The following RNF141 variants were observed in gnomAD, a reference collection of about 807,000 sequenced individuals.
The protein encoded by RNF141 is ring finger protein 141, also known as C3HC4-like zinc finger protein.
A neutral mutation model predicts 27.4 loss-of-function variants in RNF141; 18 were observed. The observed-to-expected ratio is 0.66, with a 90% CI of 0.45 to 0.97. RNF141 has a LOEUF of 0.97. Ranked by LOEUF, RNF141 falls within the 50% of genes least tolerant of loss-of-function variation. RNF141 has a pLI of 0.00. For synonymous variants in RNF141, 97 were observed against 96.6 expected (o/e 1.00, Z -0.02); for missense variants, 230 against 279.4 (o/e 0.82, Z 1.26).
At position 10,515,033 on chromosome 11, in the gene RNF141, G is replaced by A. The variant is rs1048275217; in HGVS notation, c.576C>T (p.Arg192=). ...SDRHRNCPIC[R]LQMTGANESW... is the part of the protein sequence containing the mutation. ...ATTCATTTGCTCCAGTCATCTGTAG[G>A]CGACAAATAGGGCAATTCCTGTGTC... is the stretch of plus-strand genomic sequence containing the variant. Residue 192 remains arginine (R), a synonymous_variant, in exon 6 of 6, where the codon CGC becomes CGT. Transcript: ENST00000265981. 5 of 1,613,770 alleles carry A rather than the reference G, an allele frequency of 3.1e-6. No homozygotes were observed. The African/African-American group carries it at 6.7e-5, about 22-fold the overall frequency.
chr11:10,511,890 A>G lies in RNF141; in HGVS notation c.*3026T>C, dbSNP rs564207480. The G allele has an allele frequency of 1.3e-5, 2 of 152,814 alleles. No homozygotes were observed. Among genetic ancestry groups the G allele is most frequent in the African/African-American group, 4.8e-5 (2 of 41,588 alleles). The allele number at this position is 152,814 out of a possible 1,614,324, so 9.5% of individuals were successfully genotyped here. A position where few individuals can be genotyped will look rare whatever the true frequency, so the allele number is the denominator to read the frequency against. The stretch of plus-strand genomic sequence containing the variant: ...GAATATAAACATTTAGTATATTAGA[A>G]TGTGAAATTACATAGGAAAATAATC... On this transcript the variant is annotated 3_prime_UTR_variant, in exon 6 of 6. Coordinates refer to ENST00000265981, the MANE Select transcript of RNF141 (RefSeq NM_016422.4).
intron 1 of RNF141, chr11:10,540,910 C>T (rs1434157449): frequency 1.3e-5 from 2 of 152,362 alleles, no homozygotes; most frequent in Non-Finnish European, 2.9e-5. Context: ...GCAACTGGAA[C>T]CCGCCGGGCA....
rs571452434 is a variant in RNF141 at position 10,540,554 on chromosome 11, G to A, written c.-48+568C>T. On this transcript the variant is annotated intron_variant, in intron 1 of 5. Transcript: ENST00000265981. ...TCAAGGTAGCAGCTAGTTTGACAAGGAAAGACCTTTGGGAAGGGTAGCAGC... is the reference window on the plus strand; with the variant it reads ...TCAAGGTAGCAGCTAGTTTGACAAGAAAAGACCTTTGGGAAGGGTAGCAGC... Among the ~76,000 whole-genome samples, 26 of 152,328 alleles carry A rather than the reference G, an allele frequency of 1.7e-4. No individual in the cohort carries two copies. In the East Asian group the frequency reaches 3.3e-3, roughly 19 times the overall value.
chr11:10,536,086 A>G (rs1232738771), intron 1 of RNF141, among the ~76,000 whole-genome samples: 1 of 152,222 alleles, frequency 6.6e-6, no homozygotes, highest in African/African-American at 2.4e-5. Flanking sequence ...TAATTACAAA[A>G]TGAGAAGTGC....
chr11:10,534,053 C>T lies in RNF141; in HGVS notation c.106G>A (p.Glu36Lys). Residue 36 changes from glutamate to lysine, a missense_variant, in exon 2 of 6, where the codon GAA becomes AAA. Transcript: ENST00000265981. ...TCAGCTACTCTCCCAAGAAATTCTT[C>T]ATAAGTTAAGGAGCCACTCTCTCGA... ...LVRESGSLTYEEFLGRVAELN... is the reference protein window; with the variant it reads ...LVRESGSLTYKEFLGRVAELN... 6.2e-7 allele frequency: 1 copy of T among 1,613,534 alleles called. No individual in the cohort carries two copies. The highest frequency in any genetic ancestry group is 8.5e-7 in the Non-Finnish European group (1 of 1,179,652).
At chr11:10,532,524 CACACACACACACA>C (rs1849996256) in intron 2 of RNF141, among the ~76,000 whole-genome samples, 1 of 145,298 alleles carries the variant, frequency 6.9e-6, no homozygotes, top group East Asian at 2.1e-4. Context: ...CACACACACA[CACACACACACACA>C]CCCCACAACT....
At chr11:10,533,313 A>G (rs1395164981) in intron 2 of RNF141, among the ~76,000 whole-genome samples, 1 of 152,182 alleles carries the variant, frequency 6.6e-6, no homozygotes, top group Non-Finnish European at 1.5e-5. Flanking sequence ...ACCAAAATTG[A>G]TAAATAAATT....
rs1849812311 is a variant in RNF141 at position 10,512,862 on chromosome 11, CTT to C, written c.*2052_*2053del. 1 of 152,026 alleles carries C rather than the reference CTT, an allele frequency of 6.6e-6. No individual in the cohort carries two copies. Among genetic ancestry groups the C allele is most frequent in the African/African-American group, 2.4e-5 (1 of 41,406 alleles). 9.4% of individuals were successfully genotyped at this position (152,026 alleles called of 1,614,324 possible). A position where few individuals can be genotyped will look rare whatever the true frequency, so the allele number is the denominator to read the frequency against. On this transcript the variant is annotated 3_prime_UTR_variant, in exon 6 of 6. Transcript: ENST00000265981. ...ATGCATTAATGTTTTTATTCATTGA[CTT>C]AATCACATTTATAGTATATAAAGTT... is the stretch of plus-strand genomic sequence containing the variant.
intron 3 of RNF141, among the ~76,000 whole-genome samples, chr11:10,526,781 CAA>C (rs762457068): frequency 1.5e-4 from 12 of 80,570 alleles, no homozygotes; most frequent in African/African-American, 1.4e-4. Flanking sequence ...GACTACGTCT[CAA>C]AAAAAAAAAA....
intron 5 of RNF141, chr11:10,517,840 A>G (rs1162319880): frequency 6.6e-6 from 1 of 152,210 alleles, no homozygotes; most frequent in African/African-American, 2.4e-5. Context: ...CTGATACATG[A>G]GTTTAATAAG....
At chr11:10,520,617 AAGTAT>A (rs775822927) in intron 4 of RNF141, among the ~76,000 whole-genome samples, 5 of 152,256 alleles carry the variant, frequency 3.3e-5, no homozygotes, top group African/African-American at 4.8e-5. Context: ...AATGATTAAA[AAGTAT>A]AGTATAGTAT....
At chr11:10,526,145 G>C (rs1003203277) in intron 3 of RNF141, among the ~76,000 whole-genome samples, 1 of 152,182 alleles carries the variant, frequency 6.6e-6, no homozygotes, top group Non-Finnish European at 1.5e-5. Flanking sequence ...AAAGATTAGA[G>C]ACATGAAAGA....
intron 3 of RNF141, among the ~76,000 whole-genome samples, chr11:10,527,745 G>A (rs1849950400): frequency 6.6e-6 from 1 of 152,162 alleles, no homozygotes; most frequent in Admixed American, 6.5e-5. Flanking sequence ...ACTGCTTGTT[G>A]TGCTGAGAAT....
At chr11:10,520,014 T>C (rs1405571123) in intron 4 of RNF141, among the ~76,000 whole-genome samples, 1 of 152,114 alleles carries the variant, frequency 6.6e-6, no homozygotes, top group Non-Finnish European at 1.5e-5. Flanking sequence ...TTTAAGAAGG[T>C]TTATGAATTT....
In RNF141 at chr11:10,515,044, G is replaced by C; in HGVS notation, c.565C>G (p.Pro189Ala). ...CCAGTCATCTGTAGGCGACAAATAG[G>C]GCAATTCCTGTGTCGATCACTCCTA... Reference protein sequence around the residue: ...DKWSDRHRNCPICRLQMTGAN... With the variant: ...DKWSDRHRNCAICRLQMTGAN... Residue 189 changes from proline to alanine, a missense_variant, in exon 6 of 6, where the codon CCT becomes GCT. Transcript: ENST00000265981. 6.2e-7 allele frequency: 1 copy of C among 1,613,620 alleles called. No individual in the cohort carries two copies. The highest frequency in any genetic ancestry group is 8.5e-7 in the Non-Finnish European group (1 of 1,179,812).
chr11:10,532,566 T>C (rs191619299), intron 2 of RNF141, among the ~76,000 whole-genome samples: 1 of 152,022 alleles, frequency 6.6e-6, no homozygotes, highest in East Asian at 1.9e-4. Context: ...CTTTTTGTTT[T>C]ATATTGTTTT....
intron 4 of RNF141, among the ~76,000 whole-genome samples, chr11:10,522,744 T>C (rs1275149773): frequency 6.6e-6 from 1 of 152,188 alleles, no homozygotes; most frequent in Non-Finnish European, 1.5e-5. Flanking sequence ...GTAACAATAA[T>C]AATGACAGTT....
rs1271919261 is a variant in RNF141, at chr11:10,514,714, A to C, written c.*202T>G. 2.0e-6 allele frequency: 1 copy of C among 491,072 alleles called. No homozygotes were observed. The highest frequency in any genetic ancestry group is 3.5e-6 in the Non-Finnish European group (1 of 285,368). 30.4% of individuals were successfully genotyped at this position (491,072 alleles called of 1,614,324 possible). A position where few individuals can be genotyped will look rare whatever the true frequency, so the allele number is the denominator to read the frequency against. ...ATAAATAATAGGAAAATATGGTCTA[A>C]AACAGTAGCAAATTTTAGTACCACA... is the stretch of plus-strand genomic sequence containing the variant. On this transcript the variant is annotated 3_prime_UTR_variant, in exon 6 of 6. Transcript: ENST00000265981.
At chr11:10,531,121 A>T (rs1023821140) in intron 2 of RNF141, among the ~76,000 whole-genome samples, 8 of 152,192 alleles carry the variant, frequency 5.3e-5, no homozygotes, top group African/African-American at 1.9e-4. Context: ...TCACACCTGT[A>T]ATCCCAGCAC....
Sources: allele counts gnomAD v4.1 joint callset (sites outside exome capture counted in the v4.1 genomes callset), GRCh38; gene constraint gnomAD v4.1.1; transcripts MANE v1.5; gene names NCBI Gene and HGNC (gene_info 2026-07-23, HGNC 2026-07-21).